Variants in TAFA2 observed in about 807,000 individuals in gnomAD.
TAFA2 encodes TAFA chemokine like family member 2.
Under a neutral mutation model 18.8 loss-of-function variants are expected in TAFA2, and 7 were observed. The observed-to-expected ratio is 0.37, with a 90% CI of 0.21 to 0.70. TAFA2 has a LOEUF of 0.70. Among genes scored for constraint, TAFA2 ranks in the 30% least tolerant of loss-of-function variants. The probability of loss-of-function intolerance (pLI) is 0.53; values close to 1 mark genes in which losing one functional copy is unlikely to be tolerated. For synonymous variants in TAFA2, 60 were observed against 54.2 expected (o/e 1.11, Z -0.47); for missense variants, 122 against 158.1 (o/e 0.77, Z 1.23).
At chr12:62,221,277 A>C (rs1412063423) in intron 1 of TAFA2, among the ~76,000 whole-genome samples, 2 of 133,854 alleles carry the variant, frequency 1.5e-5, no homozygotes, top group Admixed American at 7.4e-5. Context: ...TTGAAAGAAA[A>C]GAAACAAAAA....
At chr12:62,051,071 T>A (rs190360277) in intron 1 of TAFA2, among the ~76,000 whole-genome samples, 55 of 152,304 alleles carry the variant, frequency 3.6e-4, no homozygotes, top group African/African-American at 1.2e-3. Context: ...CTTAACAGCA[T>A]CCTTAGTGTT....
chr12:61,914,654 A>G (rs937835288), intron 1 of TAFA2, among the ~76,000 whole-genome samples: 3 of 152,196 alleles, frequency 2.0e-5, no homozygotes, highest in Admixed American at 6.5e-5. Context: ...GTAGTACCTG[A>G]CATTACGTCC....
upstream of TAFA2, among the ~76,000 whole-genome samples, chr12:62,194,900 T>C (rs2062642715): frequency 6.6e-6 from 1 of 152,350 alleles, no homozygotes; most frequent in African/African-American, 2.4e-5. Context: ...AGGTATGCAA[T>C]AGCATTTTGT....
intron 1 of TAFA2, among the ~76,000 whole-genome samples, chr12:61,919,306 C>T (rs998219517): frequency 2.0e-5 from 3 of 152,150 alleles, no homozygotes; most frequent in Admixed American, 6.5e-5. Flanking sequence ...TTCCAACTTC[C>T]CGCCCCTGGC....
intron 1 of TAFA2, among the ~76,000 whole-genome samples, chr12:61,993,800 A>G (rs1043019524): frequency 2.6e-5 from 4 of 152,198 alleles, no homozygotes; most frequent in Non-Finnish European, 4.4e-5. Context: ...TAAAGTGTTC[A>G]TGTTCGTGGG....
chr12:61,748,168 G>A (rs1868823747), intron 4 of TAFA2, among the ~76,000 whole-genome samples: 1 of 151,430 alleles, frequency 6.6e-6, no homozygotes, highest in South Asian at 2.1e-4. Context: ...AGAGAGGGAG[G>A]GAAGATAATA....
At chr12:62,088,310 G>GA (rs141981598) in intron 1 of TAFA2, among the ~76,000 whole-genome samples, 8,485 of 143,486 alleles carry the variant, frequency 0.059, 327 homozygotes, top group South Asian at 0.11. Context: ...AACTTCAGAA[G>GA]AAAAAAAAAA....
intron 2 of TAFA2, among the ~76,000 whole-genome samples, chr12:61,831,368 A>C (rs1403315660): frequency 2.0e-5 from 3 of 152,112 alleles, no homozygotes; most frequent in African/African-American, 7.2e-5. Context: ...TTACTCTATT[A>C]TTTTCAACTT....
chr12:61,984,055 G>C (rs553316311), intron 1 of TAFA2, among the ~76,000 whole-genome samples: 4 of 151,948 alleles, frequency 2.6e-5, no homozygotes, highest in Non-Finnish European at 5.9e-5. Context: ...ATATAAACAC[G>C]CACTCATTTT....
intron 1 of TAFA2, among the ~76,000 whole-genome samples, chr12:62,112,456 T>C (rs1024415782): frequency 1.3e-5 from 2 of 152,168 alleles, no homozygotes; most frequent in African/African-American, 4.8e-5. Context: ...AATCTGATGA[T>C]TATGTGTCTT....
chr12:61,938,827 G>A (rs1877880081), intron 1 of TAFA2, among the ~76,000 whole-genome samples: 2 of 152,056 alleles, frequency 1.3e-5, no homozygotes, highest in Admixed American at 6.5e-5. Flanking sequence ...AATACCTTAT[G>A]CTTACACTTA....
intron 1 of TAFA2, among the ~76,000 whole-genome samples, chr12:62,212,037 C>G (rs541431805): frequency 1.3e-5 from 2 of 152,286 alleles, no homozygotes; most frequent in East Asian, 1.9e-4. Flanking sequence ...ACCCACTTCA[C>G]AACAAATTAT....
At chr12:61,856,156 CA>C (rs1565657881) in intron 2 of TAFA2, among the ~76,000 whole-genome samples, 2 of 151,474 alleles carry the variant, frequency 1.3e-5, no homozygotes, top group East Asian at 1.9e-4. Context: ...CCCCTCCCCT[CA>C]AAAAAAATTA....
intron 1 of TAFA2, among the ~76,000 whole-genome samples, chr12:61,916,756 G>A (rs1331401203): frequency 6.6e-6 from 1 of 152,180 alleles, no homozygotes; most frequent in Non-Finnish European, 1.5e-5. Context: ...AATCTGGAGT[G>A]TAGATTCAAG....
chr12:62,088,695 C>T (rs570529121), intron 1 of TAFA2, among the ~76,000 whole-genome samples: 170 of 149,222 alleles, frequency 1.1e-3, no homozygotes, highest in African/African-American at 4.0e-3. Context: ...AGAATTCTTC[C>T]TTTGAAGGAG....
At chr12:62,045,202 A>C (rs1401300969) in intron 1 of TAFA2, among the ~76,000 whole-genome samples, 1 of 152,112 alleles carries the variant, frequency 6.6e-6, no homozygotes, top group Non-Finnish European at 1.5e-5. Context: ...CATACAATTA[A>C]ATTGATTTCA....
At chr12:62,067,415 C>A (rs1882518814) in intron 1 of TAFA2, among the ~76,000 whole-genome samples, 1 of 151,972 alleles carries the variant, frequency 6.6e-6, no homozygotes, top group South Asian at 2.1e-4. Context: ...AGAGTTTCCC[C>A]TATGTTTTCT....
chr12:62,016,994 C>T (rs1163924192), intron 1 of TAFA2, among the ~76,000 whole-genome samples: 1 of 152,224 alleles, frequency 6.6e-6, no homozygotes, highest in Non-Finnish European at 1.5e-5. Context: ...AACTTTTTAG[C>T]TGTATGATCT....
At chr12:61,906,352 C>A (rs145339070) in intron 1 of TAFA2, among the ~76,000 whole-genome samples, 1 of 152,112 alleles carries the variant, frequency 6.6e-6, no homozygotes, top group Admixed American at 6.6e-5. Flanking sequence ...ATAAGTCTCA[C>A]GAGATCTGAT....
Sources: allele counts gnomAD v4.1 joint callset (sites outside exome capture counted in the v4.1 genomes callset), GRCh38; gene constraint gnomAD v4.1.1; transcripts MANE v1.5; gene names NCBI Gene and HGNC (gene_info 2026-07-23, HGNC 2026-07-21).